Variants in FRMD4A observed in about 807,000 individuals in gnomAD.
FRMD4A encodes FERM domain-containing protein 4A.
In FRMD4A, 29 loss-of-function variants were observed where a neutral mutation model predicts 129.1. That is an observed-to-expected ratio of 0.22 (90% CI 0.17 to 0.31). FRMD4A has a LOEUF of 0.31. Among genes scored for constraint, FRMD4A ranks in the 10% least tolerant of loss-of-function variants. The probability of loss-of-function intolerance (pLI) is 1.00; values close to 1 mark genes in which losing one functional copy is unlikely to be tolerated. For missense variants in FRMD4A, 1,272 were observed against 1,375.8 expected, an observed-to-expected ratio of 0.92 and a Z score of 1.19; for synonymous variants, 634 against 571.6, an observed-to-expected ratio of 1.11 and a Z score of -1.56.
intron 2 of FRMD4A, among the ~76,000 whole-genome samples, chr10:14,281,744 C>G (rs1297951066): frequency 2.0e-5 from 3 of 152,220 alleles, no homozygotes; most frequent in Non-Finnish European, 2.9e-5. Flanking sequence ...CCCATTTTAA[C>G]TTAGTCATAA....
chr10:13,653,509 T>C (rs2081862740), intron 23 of FRMD4A: 1 of 152,294 alleles, frequency 6.6e-6, no homozygotes, highest in African/African-American at 2.4e-5. Context: ...AAAGGCCAAG[T>C]ATGAGAGCCT....
chr10:14,003,234 G>A lies in FRMD4A; in HGVS notation c.46-144322C>T, dbSNP rs555538942. ...GGAGAGACGTTTCAGAGCTGGAATG[G>A]ACAGTGCCTTGTGGCTGTGAGAAGG... On this transcript the variant is annotated intron_variant, in intron 2 of 24. Transcript: ENST00000357447. Among the ~76,000 whole-genome samples the A allele has an allele frequency of 1.8e-4, 28 of 152,308 alleles. 1 individual carries two copies. In the South Asian group the frequency reaches 2.9e-3, roughly 16 times the overall value.
intron 12 of FRMD4A, among the ~76,000 whole-genome samples, chr10:13,725,367 C>T (rs2089812259): frequency 6.6e-6 from 1 of 152,216 alleles, no homozygotes; most frequent in Admixed American, 6.5e-5. Flanking sequence ...ATTCTTGGAG[C>T]TTGAGTGTAC....
At chr10:14,217,192 A>G (rs1445520739) in intron 2 of FRMD4A, among the ~76,000 whole-genome samples, 1 of 152,228 alleles carries the variant, frequency 6.6e-6, no homozygotes, top group Non-Finnish European at 1.5e-5. Context: ...AAAGGTGTCA[A>G]ATAAAATTGT....
intron 2 of FRMD4A, among the ~76,000 whole-genome samples, chr10:14,177,532 T>C (rs1339517778): frequency 1.3e-5 from 2 of 152,110 alleles, no homozygotes; most frequent in Non-Finnish European, 2.9e-5. Context: ...ATATCTCTGG[T>C]ACAATTGATT....
At chr10:13,900,040 G>A (rs1471307098) in intron 2 of FRMD4A, among the ~76,000 whole-genome samples, 1 of 152,022 alleles carries the variant, frequency 6.6e-6, no homozygotes, top group East Asian at 1.9e-4. Context: ...GATCCCTCTG[G>A]GGCAGGTTAA....
chr10:13,874,288 C>T (rs1449158596), intron 2 of FRMD4A, among the ~76,000 whole-genome samples: 3 of 145,640 alleles, frequency 2.1e-5, no homozygotes, highest in Non-Finnish European at 3.0e-5. Context: ...CTGAACAATT[C>T]AGCTTCTGTT....
chr10:14,216,364 G>A (rs1269946854), intron 2 of FRMD4A, among the ~76,000 whole-genome samples: 1 of 152,122 alleles, frequency 6.6e-6, no homozygotes, highest in Non-Finnish European at 1.5e-5. Flanking sequence ...TACAGGAACT[G>A]TATTTGCTCA....
At chr10:14,116,566 G>T (rs1398455679) in intron 2 of FRMD4A, among the ~76,000 whole-genome samples, 3 of 152,174 alleles carry the variant, frequency 2.0e-5, no homozygotes, top group African/African-American at 7.2e-5. Context: ...AGGGGTGGAG[G>T]AAGCCTTACA....
intron 2 of FRMD4A, among the ~76,000 whole-genome samples, chr10:14,094,012 G>A (rs1836802556): frequency 6.6e-6 from 1 of 152,228 alleles, no homozygotes; most frequent in African/African-American, 2.4e-5. Flanking sequence ...GGAGCAGGAG[G>A]ATGGAGGCTT....
At chr10:13,849,442 G>T (rs1194231753) in intron 3 of FRMD4A, among the ~76,000 whole-genome samples, 1 of 151,814 alleles carries the variant, frequency 6.6e-6, no homozygotes. Flanking sequence ...TGCACTTTGG[G>T]GGGGATTCCT....
In FRMD4A at chr10:13,693,892, G is replaced by A. The variant is rs533013537; in HGVS notation, c.1117+6C>T. ...GGGGGCGTCCCTCCAGCTGGCCTCT[G>A]CCTACCTGAAGACAGCAGGCTGCCG... is the stretch of plus-strand genomic sequence containing the variant. On this transcript the variant is annotated splice_donor_region_variant and intron_variant, in intron 15 of 24. Coordinates refer to ENST00000357447, the MANE Select transcript of FRMD4A (RefSeq NM_018027.5). 2 of 1,608,546 alleles carry A rather than the reference G, an allele frequency of 1.2e-6. No individual in the cohort carries two copies. The highest frequency in any genetic ancestry group is 1.7e-6 in the Non-Finnish European group (2 of 1,178,214).
chr10:14,083,238 A>C (rs1588935812), intron 2 of FRMD4A: 1 of 152,190 alleles, frequency 6.6e-6, no homozygotes, highest in Non-Finnish European at 1.5e-5. Flanking sequence ...TTGAGCTCTT[A>C]CTCTTTCCTC....
intron 6 of FRMD4A, among the ~76,000 whole-genome samples, chr10:13,764,011 A>G (rs1588609778): frequency 6.6e-6 from 1 of 152,268 alleles, no homozygotes; most frequent in East Asian, 1.9e-4. Context: ...GGATGATTAC[A>G]GGCATGAGCC....
chr10:14,092,929 C>A (rs1189223684), intron 2 of FRMD4A, among the ~76,000 whole-genome samples: 1 of 152,306 alleles, frequency 6.6e-6, no homozygotes, highest in Admixed American at 6.5e-5. Flanking sequence ...GCCAGGAATG[C>A]GGAGCAGTCC....
intron 2 of FRMD4A, among the ~76,000 whole-genome samples, chr10:14,066,148 T>C (rs972632056): frequency 1.3e-5 from 2 of 151,892 alleles, no homozygotes; most frequent in African/African-American, 4.8e-5. Flanking sequence ...GGAACAAATA[T>C]TCAGAAACAC....
chr10:13,760,955 G>A (rs1448787608), intron 8 of FRMD4A, among the ~76,000 whole-genome samples: 4 of 150,486 alleles, frequency 2.7e-5, no homozygotes, highest in Non-Finnish European at 5.9e-5. Flanking sequence ...GCTAGTGGTT[G>A]GCTACACCCT....
chr10:14,180,575 C>T (rs1312826833), intron 2 of FRMD4A, among the ~76,000 whole-genome samples: 1 of 152,164 alleles, frequency 6.6e-6, no homozygotes, highest in Non-Finnish European at 1.5e-5. Context: ...CTGAGCCCAG[C>T]CTACATCAGC....
intron 2 of FRMD4A, among the ~76,000 whole-genome samples, chr10:14,253,508 T>C (rs1844509698): frequency 6.6e-6 from 1 of 152,224 alleles, no homozygotes; most frequent in South Asian, 2.1e-4. Context: ...TATCTAATTC[T>C]TTATCACTGT....
Sources: allele counts gnomAD v4.1 joint callset (sites outside exome capture counted in the v4.1 genomes callset), GRCh38; gene constraint gnomAD v4.1.1; transcripts MANE v1.5; gene names NCBI Gene and HGNC (gene_info 2026-07-23, HGNC 2026-07-21).